The following GPHN variants were observed in gnomAD, a reference collection of about 807,000 sequenced individuals.
The protein encoded by GPHN is gephyrin.
GPHN carries 17 observed loss-of-function variants against 95.5 expected under a neutral mutation model. That is an observed-to-expected ratio of 0.18 (90% confidence interval 0.12 to 0.27). The LOEUF is 0.27. Among genes scored for constraint, GPHN ranks in the 10% least tolerant of loss-of-function variants. The pLI is 1.00. For missense variants in GPHN, 660 were observed against 978.1 expected, an observed-to-expected ratio of 0.67 and a Z score of 4.34; for synonymous variants, 320 against 322.5, an observed-to-expected ratio of 0.99 and a Z score of 0.08.
At chr14:67,469,549 G>A in the GPHN span, among the ~76,000 whole-genome samples, 2 of 139,858 alleles carry the variant, frequency 1.4e-5, no homozygotes, top group East Asian at 2.3e-4. Flanking sequence ...GCCTCTCAAA[G>A]TGCTGGGTTT....
chr14:66,606,174 G>A (rs2140892953), intron 1 of GPHN, among the ~76,000 whole-genome samples: 1 of 152,198 alleles, frequency 6.6e-6, no homozygotes, highest in South Asian at 2.1e-4. Context: ...TTTGTATGCG[G>A]TGAAAGGTAG....
chr14:67,353,306 T>C, the GPHN span, among the ~76,000 whole-genome samples: 1 of 152,194 alleles, frequency 6.6e-6, no homozygotes, highest in Non-Finnish European at 1.5e-5. Flanking sequence ...CTGCCCTCCA[T>C]GAATGGATTA....
chr14:67,023,633 G>A lies in GPHN; in HGVS notation c.964G>A (p.Val322Ile). The change falls in exon 10 of 23, where the codon GTC becomes ATC. Residue 322 changes from valine to isoleucine, a missense_variant and splice_region_variant. Transcript: ENST00000478722. Reference protein sequence around the residue: ...LSTASCPTPKVQSRCSSKENI... With the variant: ...LSTASCPTPKIQSRCSSKENI... The stretch of plus-strand genomic sequence containing the variant: ...TACTGAGTTTATGCTCTTTCTACAG[G>A]TCCAGTCCAGGTGCAGCAGCAAGGA... The A allele has an allele frequency of 2.5e-6, 4 of 1,612,794 alleles. No individual in the cohort carries two copies. Among genetic ancestry groups the A allele is most frequent in the Non-Finnish European group, 3.4e-6 (4 of 1,179,038 alleles).
At chr14:67,015,790 A>T (rs1055768193) in intron 9 of GPHN, among the ~76,000 whole-genome samples, 2 of 152,146 alleles carry the variant, frequency 1.3e-5, no homozygotes, top group African/African-American at 2.4e-5. Context: ...TTATGGATAC[A>T]TACACACGTG....
At chr14:66,856,715 T>C (rs537530485) in intron 4 of GPHN, among the ~76,000 whole-genome samples, 1 of 152,158 alleles carries the variant, frequency 6.6e-6, no homozygotes, top group South Asian at 2.1e-4. Context: ...AATATTGAAA[T>C]AATATGCAAA....
At chr14:67,144,835 G>A (rs539292386) in intron 18 of GPHN, among the ~76,000 whole-genome samples, 5 of 152,152 alleles carry the variant, frequency 3.3e-5, no homozygotes, top group Non-Finnish European at 7.3e-5. Context: ...GAGCCTTTCA[G>A]AATAGCACTG....
chr14:67,238,440 T>C, the GPHN span, among the ~76,000 whole-genome samples: 1 of 151,904 alleles, frequency 6.6e-6, no homozygotes. Context: ...AGCTAATTGT[T>C]AAATTTTTTT....
the GPHN span, chr14:67,656,693 A>G: frequency 8.0e-7 from 1 of 1,256,292 alleles, no homozygotes; most frequent in Non-Finnish European, 1.1e-6. Flanking sequence ...ATAGTGAGCA[A>G]TAATTTTCAT....
chr14:66,687,282 C>T (rs2067436816), intron 2 of GPHN, among the ~76,000 whole-genome samples: 1 of 152,060 alleles, frequency 6.6e-6, no homozygotes, highest in Non-Finnish European at 1.5e-5. Flanking sequence ...CTACAGAACT[C>T]TCCACCCCAG....
At chr14:67,481,286 A>AAAAG in the GPHN span, among the ~76,000 whole-genome samples, 4 of 152,208 alleles carry the variant, frequency 2.6e-5, no homozygotes, top group Admixed American at 6.5e-5. Flanking sequence ...TGTCTCTTAA[A>AAAAG]AAAGAAAGAA....
At chr14:67,199,294 A>T in the GPHN span, 2 of 1,605,726 alleles carry the variant, frequency 1.2e-6, no homozygotes, top group Non-Finnish European at 1.7e-6. Flanking sequence ...ACATGATCAG[A>T]CTCTATGGGA....
intron 10 of GPHN, among the ~76,000 whole-genome samples, chr14:67,055,984 C>G (rs2075546773): frequency 6.6e-6 from 1 of 152,200 alleles, no homozygotes; most frequent in Admixed American, 6.5e-5. Context: ...AGGAGTGAAG[C>G]TGCAGACCTT....
chr14:67,722,512 A>C, the GPHN span: 1 of 808,798 alleles, frequency 1.2e-6, no homozygotes. Flanking sequence ...GCTGCTCAGC[A>C]CCCAGGACGG....
chr14:67,641,961 T>C, the GPHN span, among the ~76,000 whole-genome samples: 1 of 152,334 alleles, frequency 6.6e-6, no homozygotes, highest in African/African-American at 2.4e-5. Context: ...TTTTTTATTG[T>C]TGGGTTAAGT....
the GPHN span, chr14:67,586,150 G>A: frequency 6.3e-7 from 1 of 1,597,292 alleles, no homozygotes; most frequent in Non-Finnish European, 8.6e-7. Context: ...TGGTGGGCTT[G>A]GAGCTTAGAA....
intron 10 of GPHN, among the ~76,000 whole-genome samples, chr14:67,058,223 T>C (rs939776515): frequency 1.3e-5 from 2 of 152,214 alleles, no homozygotes; most frequent in Non-Finnish European, 2.9e-5. Flanking sequence ...ACAATTTGAA[T>C]AGAAAATTCT....
intron 10 of GPHN, among the ~76,000 whole-genome samples, chr14:67,027,013 C>T (rs571177531): frequency 1.4e-4 from 21 of 152,222 alleles, no homozygotes; most frequent in Non-Finnish European, 2.9e-4. Context: ...AAACCCGATT[C>T]AATATTGTGC....
intron 3 of GPHN, among the ~76,000 whole-genome samples, chr14:66,807,118 A>G (rs1428215155): frequency 6.6e-6 from 1 of 152,224 alleles, no homozygotes; most frequent in Non-Finnish European, 1.5e-5. Flanking sequence ...AGCAAGTCAC[A>G]TCTTACGTAG....
intron 1 of GPHN, among the ~76,000 whole-genome samples, chr14:66,595,012 T>G (rs2061913532): frequency 6.6e-6 from 1 of 152,076 alleles, no homozygotes; most frequent in South Asian, 2.1e-4. Flanking sequence ...TTTTTGAAAA[T>G]AAGACATATA....
Sources: gnomAD v4.1 joint callset for allele counts (sites outside exome capture counted in the v4.1 genomes callset) on GRCh38, gnomAD v4.1.1 for gene constraint, MANE v1.5 for transcripts, NCBI Gene and HGNC (gene_info 2026-07-23, HGNC 2026-07-21) for gene names.